HAO1: variants seen among roughly 807,000 people sequenced by gnomAD.
The protein encoded by HAO1 is 2-Hydroxyacid oxidase 1.
Under a neutral mutation model 39.7 loss-of-function variants are expected in HAO1, and 34 were observed. That is an observed-to-expected ratio of 0.86 (90% CI 0.65 to 1.14). The LOEUF (loss-of-function observed/expected upper bound fraction) is 1.14. Ranked by LOEUF, HAO1 falls within the 50% of genes most tolerant of loss-of-function variation. HAO1 has a pLI of 0.00. For synonymous variants in HAO1, 172 were observed against 173.2 expected (o/e 0.99, Z 0.05); for missense variants, 479 against 464.5 (o/e 1.03, Z -0.29).
intron 4 of HAO1, among the ~76,000 whole-genome samples, chr20:7,904,254 C>A (rs2122766244): frequency 6.6e-6 from 1 of 152,244 alleles, no homozygotes; most frequent in East Asian, 1.9e-4. Context: ...GTCATCTCTA[C>A]AATTATCTCT....
Position 7,921,404 on chromosome 20 carries a change from T to C in HAO1, c.290-6985A>G, listed in dbSNP as rs142967346. Among the ~76,000 whole-genome samples the C allele has an allele frequency of 3.3e-3, 496 of 152,192 alleles. 5 individuals are homozygous for C. Among genetic ancestry groups the C allele is most frequent in the African/African-American group, 0.011 (460 of 41,550 alleles). On this transcript the variant is annotated intron_variant, in intron 2 of 7. Transcript: ENST00000378789. ...GAAATGCAAATCAAAACCACAATGA[T>C]ATACCATCTCATACCAGTCAGAATT...
At chr20:7,899,146 C>A (rs2050210359) in intron 4 of HAO1, among the ~76,000 whole-genome samples, 1 of 151,828 alleles carries the variant, frequency 6.6e-6, no homozygotes, top group Non-Finnish European at 1.5e-5. Context: ...TAAGGTAAGT[C>A]ATCAGTCCAC....
At position 7,940,382 on chromosome 20, in the gene HAO1, T is replaced by C. The variant is rs926420863; in HGVS notation, c.41A>G (p.His14Arg). ...AGACTTTGGAAGTACTGATTTAGCA[T>C]GTTGTTCATAATCATTGATACAAAT... ...RLICINDYEQ[H>R]AKSVLPKSIY... The change falls in exon 1 of 8, where the codon CAT becomes CGT. Residue 14 changes from histidine (H) to arginine (R), a missense_variant. Physicochemically the swap from His to Arg is conservative, Grantham distance 29 (BLOSUM62 0). Transcript: ENST00000378789. 6.2e-7 allele frequency: 1 copy of C among 1,612,618 alleles called. No homozygotes were observed. The highest frequency in any genetic ancestry group is 8.5e-7 in the Non-Finnish European group (1 of 1,179,188).
intron 3 of HAO1, among the ~76,000 whole-genome samples, chr20:7,913,736 C>A (rs1264891277): frequency 6.6e-6 from 1 of 152,144 alleles, no homozygotes; most frequent in Non-Finnish European, 1.5e-5. Flanking sequence ...AGTGAGGGAT[C>A]AAAGATGTGG....
At chr20:7,930,344 G>T (rs1352931923) in intron 2 of HAO1, among the ~76,000 whole-genome samples, 1 of 152,110 alleles carries the variant, frequency 6.6e-6, no homozygotes, top group East Asian at 1.9e-4. Context: ...GGGAATGATG[G>T]AATAAATACA....
At chr20:7,938,486 G>A (rs994231823) in intron 1 of HAO1, among the ~76,000 whole-genome samples, 2 of 151,806 alleles carry the variant, frequency 1.3e-5, no homozygotes, top group East Asian at 3.9e-4. Flanking sequence ...TAAGTTACTC[G>A]GTACACACAT....
intron 1 of HAO1, among the ~76,000 whole-genome samples, chr20:7,939,997 C>T (rs987841191): frequency 2.6e-5 from 4 of 152,078 alleles, no homozygotes; most frequent in Non-Finnish European, 2.9e-5. Flanking sequence ...AAAAGTCATC[C>T]GAATTTATCG....
At position 7,906,302 on chromosome 20, in the gene HAO1, T is replaced by A. The variant is rs199630444; in HGVS notation, c.573A>T (p.Leu191Phe). The change falls in exon 4 of 8, where the codon TTA becomes TTT. Residue 191 changes from leucine (L) to phenylalanine (F), a missense_variant. Leu to Phe is a conservative substitution (Grantham distance 22, BLOSUM62 0). Transcript: ENST00000378789. Reference sequence around the variant, plus strand: ...CAAAATTTTCCTCAGGAGAAAATGATAAAGTACTGGTTTCAAAATTTTTCA... The same window carrying A: ...CAAAATTTTCCTCAGGAGAAAATGAAAAAGTACTGGTTTCAAAATTTTTCA... ...LRMKNFETST[L>F]SFSPEENFGD... 6.2e-7 allele frequency: 1 copy of A among 1,610,286 alleles called. No individual in the cohort carries two copies. Among genetic ancestry groups the A allele is most frequent in the Non-Finnish European group, 8.5e-7 (1 of 1,177,008 alleles).
intron 4 of HAO1, among the ~76,000 whole-genome samples, chr20:7,904,807 T>C (rs1231746608): frequency 1.3e-5 from 2 of 152,198 alleles, no homozygotes; most frequent in Non-Finnish European, 2.9e-5. Context: ...AATGAATAAA[T>C]AAATGAATGG....
Position 7,885,532 on chromosome 20 carries a change from A to G in HAO1, c.1031T>C (p.Met344Thr), listed in dbSNP as rs754302160. ...EILKEEFRLA[M>T]ALSGCQNVKV... ...AGAATGAGTCTTACCACTCAGAGCC[A>G]TGGCCAACCGGAATTCTTCCTTTAG... The change falls in exon 7 of 8, where the codon ATG (methionine) becomes ACG (threonine). Residue 344 changes from methionine to threonine, a missense_variant. Physicochemically the swap from Met to Thr is moderately conservative, Grantham distance 81 (BLOSUM62 -1). Coordinates refer to ENST00000378789, the MANE Select transcript of HAO1 (RefSeq NM_017545.3). 10 of 1,600,352 alleles carry G rather than the reference A, an allele frequency of 6.2e-6. No individual in the cohort carries two copies. The Admixed American group carries it at 8.3e-5, about 13-fold the overall frequency.
intron 4 of HAO1, among the ~76,000 whole-genome samples, chr20:7,896,904 C>T (rs1000434854): frequency 2.0e-5 from 3 of 152,160 alleles, no homozygotes; most frequent in African/African-American, 7.2e-5. Flanking sequence ...TGTCTGCCTT[C>T]AGCTTTGAGT....
intron 5 of HAO1, among the ~76,000 whole-genome samples, chr20:7,887,948 C>T (rs1273346384): frequency 6.6e-6 from 1 of 152,052 alleles, no homozygotes; most frequent in East Asian, 1.9e-4. Flanking sequence ...CAAAATAATT[C>T]TGATCAAACA....
chr20:7,915,693 CT>C (rs1170529316), intron 2 of HAO1, among the ~76,000 whole-genome samples: 2 of 152,032 alleles, frequency 1.3e-5, no homozygotes, highest in Non-Finnish European at 2.9e-5. Flanking sequence ...TTCTGTTTCT[CT>C]GGAGAACTCT....
chr20:7,883,653 A>G lies in HAO1; in HGVS notation c.1053T>C (p.Asn351=), dbSNP rs1440055713. ...CCAATGTCTTGTCGATGACTTTCAC[A>G]TTCTGGCACCCTGAAAAAATAATGC... ...RLAMALSGCQ[N]VKVIDKTLVR... Residue 351 remains asparagine, a synonymous_variant, in exon 8 of 8, where the codon AAT becomes AAC. Transcript: ENST00000378789. 1 of 1,611,134 alleles carries G rather than the reference A, an allele frequency of 6.2e-7. No homozygotes were observed. Among genetic ancestry groups the G allele is most frequent in the South Asian group, 1.1e-5 (1 of 91,004 alleles).
In HAO1 at chr20:7,914,429, A is replaced by G; in HGVS notation, c.290-10T>C. ...CCCAGGGACTGACAGGCTGAGAAAGAAAGGGGATGATCAAGATGGGCCTGG... is the reference window on the plus strand; with the variant it reads ...CCCAGGGACTGACAGGCTGAGAAAGGAAGGGGATGATCAAGATGGGCCTGG... On this transcript the variant is annotated splice_polypyrimidine_tract_variant and intron_variant, in intron 2 of 7. Transcript: ENST00000378789. The G allele has an allele frequency of 2.5e-6, 4 of 1,611,882 alleles. No homozygotes were observed. The highest frequency in any genetic ancestry group is 3.4e-6 in the Non-Finnish European group (4 of 1,178,732).
intron 3 of HAO1, 135 bp downstream of exon 3, chr20:7,914,029 T>C (rs2050293880): frequency 2.2e-6 from 2 of 889,650 alleles, no homozygotes; most frequent in Non-Finnish European, 3.4e-6. Flanking sequence ...AAAAAAGTGA[T>C]GTCTACAAAA....
chr20:7,897,023 A>G (rs2050200919), intron 4 of HAO1, among the ~76,000 whole-genome samples: 3 of 152,294 alleles, frequency 2.0e-5, no homozygotes. Flanking sequence ...CTTAAAAAGG[A>G]TCCAAGGGAG....
intron 5 of HAO1, among the ~76,000 whole-genome samples, chr20:7,886,670 G>A (rs2050152676): frequency 6.6e-6 from 1 of 152,058 alleles, no homozygotes; most frequent in Admixed American, 6.6e-5. Flanking sequence ...CATTTTTCTT[G>A]TTTTTAAGGA....
At chr20:7,918,975 G>A (rs1295596761) in intron 2 of HAO1, among the ~76,000 whole-genome samples, 5 of 152,214 alleles carry the variant, frequency 3.3e-5, no homozygotes, top group African/African-American at 1.2e-4. Context: ...ACAGGGGTTG[G>A]ATTTCATTCT....
Sources: gnomAD v4.1 joint callset for allele counts (sites outside exome capture counted in the v4.1 genomes callset) on GRCh38, gnomAD v4.1.1 for gene constraint, MANE v1.5 for transcripts, NCBI Gene and HGNC (gene_info 2026-07-23, HGNC 2026-07-21) for gene names.